Variants in ATP8A1 observed in about 807,000 individuals in gnomAD.
ATP8A1 encodes the protein phospholipid-transporting ATPase IA.
Under a neutral mutation model 177.7 loss-of-function variants are expected in ATP8A1, and 90 were observed. That is an observed-to-expected ratio of 0.51 (90% CI 0.43 to 0.60). ATP8A1 has a LOEUF of 0.60. ATP8A1 is among the 20% of genes least tolerant of loss of function. The pLI, the probability that ATP8A1 is intolerant of heterozygous loss-of-function variation, is 0.00. For synonymous variants in ATP8A1, 493 were observed against 485.9 expected, an observed-to-expected ratio of 1.01 and a Z score of -0.19; for missense variants, 1,072 against 1,392.8, an observed-to-expected ratio of 0.77 and a Z score of 3.67.
chr4:42,643,705 G>T (rs551822366), intron 1 of ATP8A1, among the ~76,000 whole-genome samples: 112 of 152,314 alleles, frequency 7.4e-4, no homozygotes, highest in Non-Finnish European at 1.3e-3. Flanking sequence ...CTCCTTGGGA[G>T]ATTCCAGTGT....
At chr4:42,415,768 T>C (rs1713175676) in intron 35 of ATP8A1, among the ~76,000 whole-genome samples, 4 of 152,210 alleles carry the variant, frequency 2.6e-5, no homozygotes, top group South Asian at 2.1e-4. Flanking sequence ...GTTAGTTCTG[T>C]ATTTTGCCAA....
intron 19 of ATP8A1, among the ~76,000 whole-genome samples, chr4:42,546,838 T>C (rs1728988766): frequency 6.6e-6 from 1 of 152,218 alleles, no homozygotes; most frequent in Non-Finnish European, 1.5e-5. Flanking sequence ...CCTCTTCTCC[T>C]GGCTCTGTGC....
chr4:42,429,828 A>G (rs764442296), intron 33 of ATP8A1, among the ~76,000 whole-genome samples: 1 of 152,262 alleles, frequency 6.6e-6, no homozygotes, highest in Non-Finnish European at 1.5e-5. Flanking sequence ...ACGTTACAAC[A>G]TGGATGAACC....
intron 15 of ATP8A1, among the ~76,000 whole-genome samples, chr4:42,559,443 T>C (rs1730586720): frequency 6.6e-6 from 1 of 152,224 alleles, no homozygotes; most frequent in Non-Finnish European, 1.5e-5. Context: ...GAAATTTAAA[T>C]GTATCATTGT....
chr4:42,501,195 G>C (rs890160992), intron 24 of ATP8A1, among the ~76,000 whole-genome samples: 2 of 152,146 alleles, frequency 1.3e-5, no homozygotes, highest in African/African-American at 4.8e-5. Context: ...AGTAAAAGAT[G>C]AGGAAATAGT....
Position 42,657,047 on chromosome 4 carries a change from A to G in ATP8A1, c.-174T>C. On this transcript the variant is annotated 5_prime_UTR_variant, in exon 1 of 37. Transcript: ENST00000381668. ...GCGGCCCCCGCACGCCGACAGGAGG[A>G]GGAGAAAGGCAGCGGTGGCGGCGAA... 1 of 560,418 alleles carries G rather than the reference A, an allele frequency of 1.8e-6. No homozygotes were observed. Among genetic ancestry groups the G allele is most frequent in the Non-Finnish European group, 2.7e-6 (1 of 375,590 alleles). 34.7% of individuals were successfully genotyped at this position (560,418 alleles called of 1,614,324 possible). A position where few individuals can be genotyped will look rare whatever the true frequency, so the allele number is the denominator to read the frequency against.
rs376686282 is a variant in ATP8A1 at position 42,414,703 on chromosome 4, C to T, written c.3321G>A (p.Ala1107=). ...VVLGKSLTER[A]QLLKNVFKKN... is the part of the protein sequence containing the mutation. ...TCTTAAAGACGTTCTTGAGCAGTTG[C>T]GCCCTCTCGGTCAGGCTGCAGAGCA... Residue 1107 remains alanine, a synonymous_variant, in exon 36 of 37, where the codon GCG becomes GCA. Transcript: ENST00000381668. 1.4e-5 allele frequency: 22 copies of T among 1,613,692 alleles called. No individual in the cohort carries two copies. The highest frequency in any genetic ancestry group is 4.0e-5 in the African/African-American group (3 of 74,876).
rs1422914424 is a variant in ATP8A1 at position 42,410,900 on chromosome 4, ACAC to A, written c.*2013_*2015del. ...AGCTCTTCTCTATTAACAGAATTAAACACTACAAAGTGTTTCTCTGGAGGGGTG... is the reference window on the plus strand; with the variant it reads ...AGCTCTTCTCTATTAACAGAATTAAATACAAAGTGTTTCTCTGGAGGGGTG... On this transcript the variant is annotated 3_prime_UTR_variant, in exon 37 of 37. Coordinates refer to ENST00000381668, the MANE Select transcript of ATP8A1 (RefSeq NM_006095.2). The A allele has an allele frequency of 1.3e-5, 2 of 152,230 alleles. No individual in the cohort carries two copies. Among genetic ancestry groups the A allele is most frequent in the Non-Finnish European group, 2.9e-5 (2 of 68,030 alleles). 9.4% of individuals were successfully genotyped at this position (152,230 alleles called of 1,614,324 possible).
chr4:42,654,321 C>T (rs1054447920), intron 1 of ATP8A1, among the ~76,000 whole-genome samples: 1 of 152,190 alleles, frequency 6.6e-6, no homozygotes, highest in African/African-American at 2.4e-5. Context: ...AGTCCTTTCT[C>T]CCCAGTTTGG....
chr4:42,555,335 T>C (rs181062643), intron 16 of ATP8A1, among the ~76,000 whole-genome samples: 108 of 152,218 alleles, frequency 7.1e-4, no homozygotes, highest in Non-Finnish European at 1.2e-3. Context: ...CTTATTTCTA[T>C]AAGTTATTTC....
intron 1 of ATP8A1, among the ~76,000 whole-genome samples, chr4:42,630,870 C>T (rs1738660526): frequency 6.6e-6 from 1 of 152,178 alleles, no homozygotes; most frequent in African/African-American, 2.4e-5. Context: ...CACTAGGCTT[C>T]AGTTTCCTAA....
At position 42,485,674 on chromosome 4, in the gene ATP8A1, A is replaced by G. The variant is rs768070177; in HGVS notation, c.2152-6T>C. ...CTGAGAGTTTCCCTTGTTCCCTGGA[A>G]TATTAAACAAGCAAAAATGCCATCA... On this transcript the variant is annotated splice_polypyrimidine_tract_variant and splice_region_variant and intron_variant, in intron 24 of 36. Coordinates refer to ENST00000381668, the MANE Select transcript of ATP8A1 (RefSeq NM_006095.2). The G allele has an allele frequency of 2.5e-6, 4 of 1,605,098 alleles. No individual in the cohort carries two copies. In the East Asian group the frequency reaches 9.0e-5, roughly 36 times the overall value.
At chr4:42,496,295 G>T (rs1307933515) in intron 24 of ATP8A1, among the ~76,000 whole-genome samples, 1 of 152,196 alleles carries the variant, frequency 6.6e-6, no homozygotes, top group Non-Finnish European at 1.5e-5. Context: ...ATAATTTAAA[G>T]AGTTTTCTGG....
chr4:42,473,270 A>G (rs1720661538), intron 25 of ATP8A1, among the ~76,000 whole-genome samples: 1 of 152,204 alleles, frequency 6.6e-6, no homozygotes, highest in African/African-American at 2.4e-5. Context: ...CCCAAGAGTT[A>G]TTAATTTAAG....
chr4:42,523,681 C>T (rs1726377635), intron 21 of ATP8A1, among the ~76,000 whole-genome samples: 1 of 152,080 alleles, frequency 6.6e-6, no homozygotes, highest in African/African-American at 2.4e-5. Context: ...TCTTTAACAT[C>T]ACATCTAGAG....
At chr4:42,559,278 T>C (rs569849751) in intron 15 of ATP8A1, among the ~76,000 whole-genome samples, 28 of 152,192 alleles carry the variant, frequency 1.8e-4, no homozygotes, top group Admixed American at 3.3e-4. Flanking sequence ...AAAGGCTAAT[T>C]TCCATGGAAT....
chr4:42,473,310 T>C (rs1720667485), intron 25 of ATP8A1, among the ~76,000 whole-genome samples: 1 of 152,202 alleles, frequency 6.6e-6, no homozygotes, highest in African/African-American at 2.4e-5. Context: ...TCCCGGGAGT[T>C]AAATATTGAC....
intron 35 of ATP8A1, among the ~76,000 whole-genome samples, chr4:42,420,410 G>C (rs1713767288): frequency 6.6e-6 from 1 of 152,214 alleles, no homozygotes; most frequent in African/African-American, 2.4e-5. Context: ...CGAGGCAGCA[G>C]CAGGGAATTT....
intron 22 of ATP8A1, among the ~76,000 whole-genome samples, chr4:42,508,504 A>G (rs536511715): frequency 6.6e-6 from 1 of 152,356 alleles, no homozygotes; most frequent in South Asian, 2.1e-4. Context: ...GGGAGAGAAC[A>G]ATCTCTTGGC....
Sources: gnomAD v4.1 joint callset for allele counts (sites outside exome capture counted in the v4.1 genomes callset) on GRCh38, gnomAD v4.1.1 for gene constraint, MANE v1.5 for transcripts, NCBI Gene and HGNC (gene_info 2026-07-23, HGNC 2026-07-21) for gene names.